TAF4B: variants seen among roughly 807,000 people sequenced by gnomAD.
The protein encoded by TAF4B is TATA-box binding protein associated factor 4b.
In TAF4B, 38 loss-of-function variants were observed where a neutral mutation model predicts 86.4. That is an observed-to-expected ratio of 0.44 (90% CI 0.34 to 0.58). TAF4B has a LOEUF of 0.58. TAF4B is among the 20% of genes least tolerant of loss of function. The probability of loss-of-function intolerance (pLI) is 0.02; values close to 1 mark genes in which losing one functional copy is unlikely to be tolerated. For missense variants in TAF4B, 988 were observed against 1,027.6 expected (o/e 0.96, Z 0.53); for synonymous variants, 388 against 391.2 (o/e 0.99, Z 0.10).
chr18:26,288,724 C>G (rs1568130487), intron 7 of TAF4B, among the ~76,000 whole-genome samples: 3 of 152,128 alleles, frequency 2.0e-5, no homozygotes, highest in Non-Finnish European at 4.4e-5. Context: ...GGGTATGGTG[C>G]TCTTAGAAAG....
intron 10 of TAF4B, among the ~76,000 whole-genome samples, chr18:26,320,240 A>G (rs2144674741): frequency 1.3e-5 from 2 of 152,360 alleles, no homozygotes; most frequent in African/African-American, 4.8e-5. Context: ...TAAAAAGCCT[A>G]TTTAAAACAG....
At chr18:26,246,668 G>A (rs1219760220) in intron 1 of TAF4B, among the ~76,000 whole-genome samples, 1 of 151,732 alleles carries the variant, frequency 6.6e-6, no homozygotes, top group Non-Finnish European at 1.5e-5. Context: ...CAAGTAGCTG[G>A]GACAACAGGT....
At chr18:26,240,082 G>C (rs2055813880) in intron 1 of TAF4B, among the ~76,000 whole-genome samples, 1 of 152,100 alleles carries the variant, frequency 6.6e-6, no homozygotes, top group African/African-American at 2.4e-5. Context: ...CTCTTTTTTG[G>C]TTCCATATGA....
intron 13 of TAF4B, chr18:26,348,399 A>C (rs2057217877): frequency 6.6e-6 from 1 of 152,670 alleles, no homozygotes; most frequent in Non-Finnish European, 1.5e-5. Flanking sequence ...GAATGTGACA[A>C]GGTCTCTGGT....
intron 14 of TAF4B, among the ~76,000 whole-genome samples, chr18:26,360,287 A>C (rs1482549232): frequency 6.6e-6 from 1 of 152,150 alleles, no homozygotes; most frequent in African/African-American, 2.4e-5. Flanking sequence ...TGAAAATGCA[A>C]GTTTTAATAG....
intron 9 of TAF4B, among the ~76,000 whole-genome samples, chr18:26,314,273 GCTT>G (rs1486909768): frequency 6.6e-6 from 1 of 152,064 alleles, no homozygotes; most frequent in East Asian, 1.9e-4. Flanking sequence ...CTGGTAAGAT[GCTT>G]CTTATTACAT....
chr18:26,278,757 G>T (rs2056412623), intron 5 of TAF4B, among the ~76,000 whole-genome samples: 1 of 151,926 alleles, frequency 6.6e-6, no homozygotes, highest in African/African-American at 2.4e-5. Context: ...TAGTGAAAAA[G>T]GCTTTCTCTC....
At chr18:26,355,987 A>G (rs1291418883) in intron 13 of TAF4B, among the ~76,000 whole-genome samples, 1 of 152,194 alleles carries the variant, frequency 6.6e-6, no homozygotes, top group Admixed American at 6.5e-5. Flanking sequence ...CAAGTGGAAA[A>G]TGGTTCTTAG....
intron 12 of TAF4B, among the ~76,000 whole-genome samples, chr18:26,329,928 C>A (rs1306433006): frequency 1.3e-5 from 2 of 152,146 alleles, no homozygotes; most frequent in Admixed American, 1.3e-4. Flanking sequence ...CCTCAGCCCC[C>A]CAAGTAGTTG....
At chr18:26,304,630 C>A in intron 9 of TAF4B, 1 of 721,746 alleles carries the variant, frequency 1.4e-6, no homozygotes, top group Non-Finnish European at 1.7e-6. Context: ...TTCCTGGGAA[C>A]TTGACTTACC....
At chr18:26,311,648 G>A (rs775016282) in intron 9 of TAF4B, among the ~76,000 whole-genome samples, 15 of 152,210 alleles carry the variant, frequency 9.9e-5, no homozygotes, top group Non-Finnish European at 1.8e-4. Flanking sequence ...AGCATAGGAA[G>A]TTGAAGACTA....
chr18:26,331,351 A>T (rs1379038417), intron 12 of TAF4B, among the ~76,000 whole-genome samples: 1 of 152,110 alleles, frequency 6.6e-6, no homozygotes. Context: ...TCTTTACCAG[A>T]TGTCTAAATG....
chr18:26,329,909 ATCCTCCCACCT>A (rs1312456401), intron 12 of TAF4B, among the ~76,000 whole-genome samples: 4 of 152,020 alleles, frequency 2.6e-5, no homozygotes, highest in Non-Finnish European at 2.9e-5. Flanking sequence ...GGCTTAAGCA[ATCCTCCCACCT>A]CAGCCCCCCA....
chr18:26,260,433 T>G (rs950448771), intron 1 of TAF4B, among the ~76,000 whole-genome samples: 2 of 152,212 alleles, frequency 1.3e-5, no homozygotes, highest in Non-Finnish European at 2.9e-5. Context: ...TTTAAGTCTT[T>G]AATCCATCTT....
intron 1 of TAF4B, among the ~76,000 whole-genome samples, chr18:26,241,657 A>G (rs994458647): frequency 6.6e-6 from 1 of 151,928 alleles, no homozygotes; most frequent in Non-Finnish European, 1.5e-5. Context: ...TTGCTTCTCT[A>G]GTTCTTTTAA....
At chr18:26,346,779 GTGTATATATATATATATATGTGTA>G (rs1325548813) in intron 13 of TAF4B, among the ~76,000 whole-genome samples, 1,191 of 17,866 alleles carry the variant, frequency 0.067, 171 homozygotes, top group Non-Finnish European at 0.11. Context: ...ATATATGTGT[GTGTATATATATATATATATGTGTA>G]TATATATATA....
At chr18:26,321,465 T>C (rs1200378645) in intron 11 of TAF4B, among the ~76,000 whole-genome samples, 1 of 151,866 alleles carries the variant, frequency 6.6e-6, no homozygotes, top group African/African-American at 2.4e-5. Context: ...AAGCTTTTGA[T>C]GGGGAAGGAA....
intron 14 of TAF4B, among the ~76,000 whole-genome samples, chr18:26,386,796 C>T (rs1388796734): frequency 1.3e-5 from 2 of 152,108 alleles, no homozygotes; most frequent in South Asian, 4.1e-4. Context: ...TGTACTCACT[C>T]GGATTGTTTC....
At chr18:26,244,421 G>T (rs1454969492) in intron 1 of TAF4B, among the ~76,000 whole-genome samples, 2 of 152,210 alleles carry the variant, frequency 1.3e-5, no homozygotes, top group African/African-American at 4.8e-5. Context: ...TAAGACCATT[G>T]GAAAAGTGCA....
Sources: gnomAD v4.1 joint callset for allele counts (sites outside exome capture counted in the v4.1 genomes callset) on GRCh38, gnomAD v4.1.1 for gene constraint, MANE v1.5 for transcripts, NCBI Gene and HGNC (gene_info 2026-07-23, HGNC 2026-07-21) for gene names.